Variants in MRC1 observed in about 807,000 individuals in gnomAD.
MRC1 encodes mannose receptor C-type 1, also known as macrophage mannose receptor 1.
In MRC1, 62 loss-of-function variants were observed where a neutral mutation model predicts 102.9. The observed-to-expected ratio is 0.60, with a 90% CI of 0.49 to 0.74. The LOEUF is 0.74. Among genes scored for constraint, MRC1 ranks in the 30% least tolerant of loss-of-function variants. The pLI, the probability that MRC1 is intolerant of heterozygous loss-of-function variation, is 0.00. For missense variants in MRC1, 1,237 were observed against 862.8 expected (o/e 1.43, Z -5.43); for synonymous variants, 457 against 298.4 (o/e 1.53, Z -5.48).
intron 5 of MRC1, among the ~76,000 whole-genome samples, chr10:17,844,907 G>C (rs1838802574): frequency 6.6e-6 from 1 of 152,078 alleles, no homozygotes; most frequent in Admixed American, 6.5e-5. Context: ...AGGACATGAT[G>C]ATTTCATTTT....
At chr10:17,857,318 T>G (rs1016816373) in intron 9 of MRC1, among the ~76,000 whole-genome samples, 1 of 152,360 alleles carries the variant, frequency 6.6e-6, no homozygotes, top group African/African-American at 2.4e-5. Context: ...TAAACAACTA[T>G]CCTTTGTTTC....
chr10:17,834,830 G>A (rs992530533), intron 4 of MRC1, among the ~76,000 whole-genome samples: 128 of 152,316 alleles, frequency 8.4e-4, no homozygotes, highest in Non-Finnish European at 6.0e-4. Flanking sequence ...TGGGGAAACA[G>A]AGAGATTAGG....
chr10:17,833,584 C>CAA (rs1460093248), intron 3 of MRC1, 91 bp from the exon 4 acceptor site: 1 of 747,562 alleles, frequency 1.3e-6, no homozygotes, highest in African/African-American at 1.8e-5. Context: ...GTGCTTCAGG[C>CAA]AAAAATGCTC....
chr10:17,848,648 A>G (rs987198346), intron 6 of MRC1, among the ~76,000 whole-genome samples: 13 of 152,192 alleles, frequency 8.5e-5, no homozygotes, highest in Non-Finnish European at 1.5e-5. Context: ...GTGGTTTGAT[A>G]TTAGTGTTAG....
intron 5 of MRC1, among the ~76,000 whole-genome samples, chr10:17,842,208 C>T (rs1180071149): frequency 6.6e-6 from 1 of 152,198 alleles, no homozygotes. Context: ...AGTGATGTGG[C>T]CTGCCTCAAC....
chr10:17,857,252 C>G (rs1241881537), intron 9 of MRC1, among the ~76,000 whole-genome samples: 1 of 152,162 alleles, frequency 6.6e-6, no homozygotes, highest in East Asian at 1.9e-4. Flanking sequence ...TTCAGAGAAG[C>G]AACGTAGCTT....
At chr10:17,837,682 G>A (rs1290460597) in intron 4 of MRC1, among the ~76,000 whole-genome samples, 3 of 151,764 alleles carry the variant, frequency 2.0e-5, no homozygotes, top group African/African-American at 7.3e-5. Flanking sequence ...GGGCTGGAGT[G>A]CAGTGGCACT....
chr10:17,888,811 GTTC>G (rs1833635757), intron 22 of MRC1, among the ~76,000 whole-genome samples: 1 of 152,132 alleles, frequency 6.6e-6, no homozygotes, highest in Non-Finnish European at 1.5e-5. Flanking sequence ...CTTTAACTAT[GTTC>G]TTACTGATTT....
intron 22 of MRC1, among the ~76,000 whole-genome samples, chr10:17,890,148 T>C (rs986350767): frequency 2.6e-5 from 4 of 152,192 alleles, no homozygotes; most frequent in African/African-American, 9.6e-5. Flanking sequence ...CATTCCACTC[T>C]CTTCTTGCTT....
intron 1 of MRC1, among the ~76,000 whole-genome samples, chr10:17,810,026 AT>A (rs1222699418): frequency 4.0e-5 from 6 of 150,310 alleles, no homozygotes; most frequent in South Asian, 2.1e-4. Flanking sequence ...TTCCATACTC[AT>A]TTTTTTTTCT....
chr10:17,875,915 A>G (rs1690634740), intron 17 of MRC1, among the ~76,000 whole-genome samples: 1 of 152,200 alleles, frequency 6.6e-6, no homozygotes, highest in African/African-American at 2.4e-5. Context: ...CACCACATCC[A>G]TGCCAACATC....
chr10:17,897,447 G>A (rs1442430552), intron 23 of MRC1, among the ~76,000 whole-genome samples: 1 of 152,124 alleles, frequency 6.6e-6, no homozygotes, highest in Non-Finnish European at 1.5e-5. Context: ...TAGGCGAAGG[G>A]CATAGAAAAT....
chr10:17,909,817 A>C (rs1279894077), intron 29 of MRC1, among the ~76,000 whole-genome samples: 1 of 151,784 alleles, frequency 6.6e-6, no homozygotes, highest in Non-Finnish European at 1.5e-5. Context: ...TACTAATTAC[A>C]TCTATGAGTT....
intron 7 of MRC1, among the ~76,000 whole-genome samples, chr10:17,852,320 TGATTACA>T (rs1838929238): frequency 6.6e-6 from 1 of 152,208 alleles, no homozygotes; most frequent in African/African-American, 2.4e-5. Context: ...ATGATGAAAA[TGATTACA>T]GATTCATTTG....
chr10:17,856,436 T>C (rs1833094380), intron 9 of MRC1, 84 bp downstream of exon 9: 1 of 780,590 alleles, frequency 1.3e-6, no homozygotes, highest in Non-Finnish European at 2.2e-6. Flanking sequence ...TGAAAGTGCC[T>C]TGTTATTGCA....
intron 9 of MRC1, among the ~76,000 whole-genome samples, chr10:17,857,142 A>G (rs1833104422): frequency 6.6e-6 from 1 of 152,220 alleles, no homozygotes; most frequent in African/African-American, 2.4e-5. Flanking sequence ...AACCATAAAG[A>G]AATAGAGCAG....
chr10:17,812,851 A>G (rs1029668763), intron 1 of MRC1, among the ~76,000 whole-genome samples: 14 of 152,246 alleles, frequency 9.2e-5, no homozygotes, highest in South Asian at 2.1e-4. Flanking sequence ...CATTACAGGC[A>G]TGAGCCACCA....
At chr10:17,835,098 AAGTC>A (rs1332055246) in intron 4 of MRC1, among the ~76,000 whole-genome samples, 1 of 152,166 alleles carries the variant, frequency 6.6e-6, no homozygotes, top group Non-Finnish European at 1.5e-5. Flanking sequence ...AACAAAAGAA[AAGTC>A]AGTCTTGGAT....
intron 5 of MRC1, 111 bp from the exon 6 acceptor site, chr10:17,845,178 G>C (rs1223031412): frequency 5.1e-6 from 4 of 779,982 alleles, no homozygotes; most frequent in Non-Finnish European, 9.6e-6. Flanking sequence ...GCAAAAGACA[G>C]AATGGTGGTC....
Sources: gnomAD v4.1 joint callset for allele counts (sites outside exome capture counted in the v4.1 genomes callset) on GRCh38, gnomAD v4.1.1 for gene constraint, MANE v1.5 for transcripts, NCBI Gene and HGNC (gene_info 2026-07-23, HGNC 2026-07-21) for gene names.